GAREM1: variants seen among roughly 807,000 people sequenced by gnomAD.
GAREM1 encodes GRB2 associated regulator of MAPK1 subtype 1, also known as GRB2-associated and regulator of MAPK protein 1.
GAREM1 carries 26 observed loss-of-function variants against 71.3 expected under a neutral mutation model. That is an observed-to-expected ratio of 0.36 (90% CI 0.27 to 0.51). The LOEUF is 0.51. Ranked by LOEUF, GAREM1 falls within the 20% of genes least tolerant of loss-of-function variation. The pLI, the probability that GAREM1 is intolerant of heterozygous loss-of-function variation, is 0.95. For synonymous variants in GAREM1, 440 were observed against 433.2 expected (o/e 1.02, Z -0.20); for missense variants, 1,026 against 1,103.1 (o/e 0.93, Z 0.99).
intron 2 of GAREM1, among the ~76,000 whole-genome samples, chr18:32,347,794 A>G (rs2047710553): frequency 6.6e-6 from 1 of 152,210 alleles, no homozygotes; most frequent in Admixed American, 6.5e-5. Flanking sequence ...GACAATGGTA[A>G]TATCAAAAAC....
intron 2 of GAREM1, among the ~76,000 whole-genome samples, chr18:32,311,033 T>G (rs1160736629): frequency 2.0e-5 from 3 of 152,214 alleles, no homozygotes; most frequent in Admixed American, 2.0e-4. Flanking sequence ...ATGAAATTCA[T>G]GCGAGTAGGC....
intron 4 of GAREM1, among the ~76,000 whole-genome samples, chr18:32,282,150 G>A (rs1372344568): frequency 1.3e-5 from 2 of 152,106 alleles, no homozygotes; most frequent in Admixed American, 1.3e-4. Context: ...GCACCCAGGT[G>A]AAATAAACAG....
chr18:32,264,677 A>G lies in GAREM1; in HGVS notation c.*3194T>C, dbSNP rs1376402971. Reference sequence around the variant, plus strand: ...GCAATGATATATGTGGGTTGAAAGAATGTAAGTAAATTTCACAGTTCATAA... The same window carrying G: ...GCAATGATATATGTGGGTTGAAAGAGTGTAAGTAAATTTCACAGTTCATAA... On this transcript the variant is annotated 3_prime_UTR_variant, in exon 6 of 6. Transcript: ENST00000269209. 6.6e-6 allele frequency: 1 copy of G among 152,262 alleles called. No individual in the cohort carries two copies. Among genetic ancestry groups the G allele is most frequent in the Admixed American group, 6.5e-5 (1 of 15,290 alleles). 9.4% of individuals were successfully genotyped at this position (152,262 alleles called of 1,614,324 possible).
rs527622316 is a variant in GAREM1 at position 32,308,705 on chromosome 18, T to A, written c.393+1488A>T. ...AAATGCAAGCTGTCTTGACTGCTCATGTATTAGGGCCACTGAAAAAGTTAA... is the reference window on the plus strand; with the variant it reads ...AAATGCAAGCTGTCTTGACTGCTCAAGTATTAGGGCCACTGAAAAAGTTAA... On this transcript the variant is annotated intron_variant, in intron 3 of 5. Coordinates refer to ENST00000269209, the MANE Select transcript of GAREM1 (RefSeq NM_001242409.2). 3.3e-5 allele frequency among the ~76,000 whole-genome samples: 5 copies of A among 150,330 alleles called. 1 individual carries two copies. In the East Asian group the frequency reaches 5.8e-4, roughly 18 times the overall value.
intron 2 of GAREM1, among the ~76,000 whole-genome samples, chr18:32,355,011 G>A (rs942911049): frequency 7.2e-5 from 11 of 152,194 alleles, no homozygotes; most frequent in African/African-American, 1.9e-4. Flanking sequence ...TACCTATGCC[G>A]AAGAAAAAAT....
chr18:32,361,732 A>G (rs1458575886), intron 2 of GAREM1, among the ~76,000 whole-genome samples: 1 of 152,192 alleles, frequency 6.6e-6, no homozygotes, highest in Non-Finnish European at 1.5e-5. Context: ...AACTGTTTCT[A>G]TTTCCTCATA....
intron 2 of GAREM1, among the ~76,000 whole-genome samples, chr18:32,320,395 AT>A (rs1450479710): frequency 2.4e-4 from 37 of 152,294 alleles, no homozygotes; most frequent in African/African-American, 8.9e-4. Context: ...GGCATTCCCT[AT>A]TTTAAAATCT....
At chr18:32,282,015 C>A (rs2046957018) in intron 4 of GAREM1, among the ~76,000 whole-genome samples, 1 of 152,100 alleles carries the variant, frequency 6.6e-6, no homozygotes, top group Non-Finnish European at 1.5e-5. Context: ...CCCCACTGAG[C>A]ACCTTGCGAC....
chr18:32,457,187 A>T (rs1339674336), intron 1 of GAREM1, among the ~76,000 whole-genome samples: 10 of 72,668 alleles, frequency 1.4e-4, no homozygotes, highest in African/African-American at 2.6e-4. Context: ...TGGGGGAGAG[A>T]GATTGTGTGT....
chr18:32,399,415 A>G (rs1026556060), intron 1 of GAREM1, among the ~76,000 whole-genome samples: 2 of 152,198 alleles, frequency 1.3e-5, no homozygotes, highest in African/African-American at 4.8e-5. Context: ...TTGTATATTT[A>G]GAAAACCCCA....
intron 2 of GAREM1, among the ~76,000 whole-genome samples, chr18:32,323,142 T>C (rs1261107237): frequency 6.6e-6 from 1 of 152,178 alleles, no homozygotes; most frequent in Non-Finnish European, 1.5e-5. Context: ...TGTTCAACTT[T>C]TAATGGTTTT....
intron 1 of GAREM1, among the ~76,000 whole-genome samples, chr18:32,398,189 C>T (rs2048277013): frequency 6.6e-6 from 1 of 152,120 alleles, no homozygotes; most frequent in African/African-American, 2.4e-5. Context: ...ATTTATAGCA[C>T]TAAATGCCCA....
rs1411062243 is a variant in GAREM1, at chr18:32,288,085, T to A, written c.512A>T (p.Lys171Met). 1.9e-6 allele frequency: 3 copies of A among 1,614,172 alleles called. No individual in the cohort carries two copies. Among genetic ancestry groups the A allele is most frequent in the South Asian group, 2.2e-5 (2 of 91,066 alleles). Residue 171 changes from lysine to methionine, a missense_variant, in exon 4 of 6, where the codon AAG (lysine) becomes ATG (methionine). Coordinates refer to ENST00000269209, the MANE Select transcript of GAREM1 (RefSeq NM_001242409.2). The part of the protein sequence containing the change: ...EILYAKTFKE[K>M]SRLNTIFKKI... ...TTTGAAGATTGTGTTGAGTCGTGAC[T>A]TTTCCTTGAATGTCTTTGCATAAAG...
At chr18:32,337,674 G>A (rs1381859667) in intron 2 of GAREM1, among the ~76,000 whole-genome samples, 1 of 152,134 alleles carries the variant, frequency 6.6e-6, no homozygotes, top group African/African-American at 2.4e-5. Flanking sequence ...TAAGTGATAC[G>A]AACTTTCACA....
At chr18:32,318,555 G>C (rs1187795904) in intron 2 of GAREM1, among the ~76,000 whole-genome samples, 1 of 152,152 alleles carries the variant, frequency 6.6e-6, no homozygotes, top group Non-Finnish European at 1.5e-5. Context: ...GTCAAATTCA[G>C]GTCTGTCCAG....
At chr18:32,329,904 T>C (rs2047514992) in intron 2 of GAREM1, among the ~76,000 whole-genome samples, 1 of 151,990 alleles carries the variant, frequency 6.6e-6, no homozygotes, top group Non-Finnish European at 1.5e-5. Context: ...CCAAAGAAAT[T>C]TCACACAAGA....
chr18:32,383,766 C>T (rs1023952550), intron 2 of GAREM1, among the ~76,000 whole-genome samples: 3 of 152,156 alleles, frequency 2.0e-5, no homozygotes, highest in Non-Finnish European at 2.9e-5. Context: ...AAATGGAAAA[C>T]AGTAGCCTAG....
At chr18:32,437,095 A>G (rs944346473) in intron 1 of GAREM1, among the ~76,000 whole-genome samples, 1 of 152,206 alleles carries the variant, frequency 6.6e-6, no homozygotes, top group Non-Finnish European at 1.5e-5. Context: ...ATAATGACAT[A>G]CAATCATTAA....
intron 1 of GAREM1, among the ~76,000 whole-genome samples, chr18:32,464,397 T>C (rs939280137): frequency 1.5e-4 from 23 of 152,288 alleles, no homozygotes; most frequent in African/African-American, 5.3e-4. Flanking sequence ...CAGGCCTACA[T>C]AGTCTCAGGT....
Sources: allele counts gnomAD v4.1 joint callset (sites outside exome capture counted in the v4.1 genomes callset), GRCh38; gene constraint gnomAD v4.1.1; transcripts MANE v1.5; gene names NCBI Gene and HGNC (gene_info 2026-07-23, HGNC 2026-07-21).